The following ETV6 variants were observed in gnomAD, a reference collection of about 807,000 sequenced individuals.
The protein encoded by ETV6 is transcription factor ETV6.
A neutral mutation model predicts 51.1 loss-of-function variants in ETV6; 16 were observed. That is an observed-to-expected ratio of 0.31 (90% CI 0.21 to 0.48). The LOEUF is 0.48. Ranked by LOEUF, ETV6 falls within the 20% of genes least tolerant of loss-of-function variation. The pLI is 0.99. For missense variants in ETV6, 458 were observed against 594.8 expected, an observed-to-expected ratio of 0.77 and a Z score of 2.39; for synonymous variants, 240 against 224.1, an observed-to-expected ratio of 1.07 and a Z score of -0.64.
At chr12:11,844,773 AAGT>A (rs1946436359) in intron 3 of ETV6, among the ~76,000 whole-genome samples, 1 of 151,748 alleles carries the variant, frequency 6.6e-6, no homozygotes, top group South Asian at 2.1e-4. Context: ...AAAAAAAAAA[AAGT>A]GTATCACACA....
chr12:11,888,051 G>C (rs1202936878), intron 7 of ETV6, among the ~76,000 whole-genome samples: 1 of 152,162 alleles, frequency 6.6e-6, no homozygotes, highest in Non-Finnish European at 1.5e-5. Flanking sequence ...CTAGAAAAAA[G>C]TAAAGGCTTC....
At chr12:11,859,531 T>G (rs1246384089) in intron 4 of ETV6, among the ~76,000 whole-genome samples, 1 of 152,158 alleles carries the variant, frequency 6.6e-6, no homozygotes, top group East Asian at 1.9e-4. Flanking sequence ...TATCTTTGAA[T>G]CATTTAATCC....
intron 5 of ETV6, among the ~76,000 whole-genome samples, chr12:11,870,272 TA>T (rs1163133900): frequency 1.3e-5 from 2 of 152,138 alleles, no homozygotes; most frequent in Middle Eastern, 3.2e-3. Context: ...ATAAAAGGTT[TA>T]TGAGCATGCT....
chr12:11,785,407 T>C (rs540041411), intron 2 of ETV6, among the ~76,000 whole-genome samples: 1 of 152,344 alleles, frequency 6.6e-6, no homozygotes, highest in South Asian at 2.1e-4. Flanking sequence ...TTTATCACCA[T>C]TTGACACAGT....
chr12:11,728,465 G>A (rs1430045875), intron 1 of ETV6, among the ~76,000 whole-genome samples: 2 of 137,406 alleles, frequency 1.5e-5, no homozygotes, highest in Admixed American at 1.4e-4. Flanking sequence ...ACCCTGTTGT[G>A]AATGACACAT....
At chr12:11,703,614 A>G (rs1476443734) in intron 1 of ETV6, among the ~76,000 whole-genome samples, 3 of 152,254 alleles carry the variant, frequency 2.0e-5, no homozygotes, top group East Asian at 1.9e-4. Context: ...GTTATTTTTT[A>G]TTTCCCAAGA....
intron 2 of ETV6, among the ~76,000 whole-genome samples, chr12:11,784,886 T>TG (rs1555129619): frequency 4.1e-5 from 6 of 146,912 alleles, no homozygotes; most frequent in African/African-American, 1.6e-4. Flanking sequence ...TTTTTTTTTT[T>TG]GGTAGAAATG....
At chr12:11,879,431 T>C (rs576819848) in intron 5 of ETV6, among the ~76,000 whole-genome samples, 2 of 152,362 alleles carry the variant, frequency 1.3e-5, no homozygotes, top group South Asian at 4.1e-4. Context: ...TGGTTATGTG[T>C]GAATTGCCCA....
At chr12:11,700,575 G>T (rs1374132488) in intron 1 of ETV6, among the ~76,000 whole-genome samples, 1 of 152,030 alleles carries the variant, frequency 6.6e-6, no homozygotes, top group Non-Finnish European at 1.5e-5. Flanking sequence ...TAACGTAAAT[G>T]GTTAATTAAC....
intron 1 of ETV6, among the ~76,000 whole-genome samples, chr12:11,749,184 T>C (rs1243329998): frequency 6.6e-6 from 1 of 152,042 alleles, no homozygotes; most frequent in African/African-American, 2.4e-5. Context: ...ACCAGCAGTT[T>C]ATCCCCCTAC....
chr12:11,650,481 T>TAAAAAAAAAAAAAAAAAAAAAAAAAAAA (rs367594605), intron 1 of ETV6, among the ~76,000 whole-genome samples: 3 of 43,328 alleles, frequency 6.9e-5, no homozygotes, highest in Admixed American at 6.8e-4. Context: ...TTAGTGCGCT[T>TAAAAAAAAAAAAAAAAAAAAAAAAAAAA]AAAAAAAAAA....
chr12:11,875,370 G>A (rs1046380385), intron 5 of ETV6, among the ~76,000 whole-genome samples: 2 of 152,204 alleles, frequency 1.3e-5, no homozygotes, highest in Admixed American at 6.5e-5. Context: ...TGAAAAAGTT[G>A]CCTCTTTCTG....
intron 1 of ETV6, among the ~76,000 whole-genome samples, chr12:11,689,411 A>G (rs1243447265): frequency 2.0e-5 from 3 of 152,174 alleles, no homozygotes; most frequent in Admixed American, 6.5e-5. Flanking sequence ...GACAAAGCAC[A>G]GTACATTTGC....
chr12:11,852,298 A>G (rs1946568261), intron 3 of ETV6, among the ~76,000 whole-genome samples: 1 of 152,238 alleles, frequency 6.6e-6, no homozygotes, highest in South Asian at 2.1e-4. Flanking sequence ...AGCCCCTGCC[A>G]TCCTCTGGCA....
At chr12:11,724,830 T>A (rs1470002654) in intron 1 of ETV6, among the ~76,000 whole-genome samples, 1 of 152,182 alleles carries the variant, frequency 6.6e-6, no homozygotes, top group Non-Finnish European at 1.5e-5. Flanking sequence ...GTTTCCCAAA[T>A]CTATTTGGAC....
At position 11,839,121 on chromosome 12, in the gene ETV6, C is replaced by T; in HGVS notation, c.164-19C>T. The T allele has an allele frequency of 6.2e-7, 1 of 1,609,750 alleles. No homozygotes were observed. The highest frequency in any genetic ancestry group is 8.5e-7 in the Non-Finnish European group (1 of 1,177,100). On this transcript the variant is annotated intron_variant, in intron 2 of 7. Transcript: ENST00000396373. ...AAGACCTTTCTCTCTTTCTTTCTGC[C>T]TCATGCTCTCTCCAACAGGCTTGCA...
intron 2 of ETV6, among the ~76,000 whole-genome samples, chr12:11,836,650 A>G (rs748307766): frequency 9.2e-5 from 14 of 152,156 alleles, no homozygotes; most frequent in Non-Finnish European, 2.1e-4. Context: ...ATTTTCTTCC[A>G]TAGAATATAA....
chr12:11,843,670 A>T (rs1012991389), intron 3 of ETV6, among the ~76,000 whole-genome samples: 1 of 152,198 alleles, frequency 6.6e-6, no homozygotes, highest in Non-Finnish European at 1.5e-5. Flanking sequence ...AATTACCTGG[A>T]ATACGATTAT....
At chr12:11,849,542 G>C (rs1370765621) in intron 3 of ETV6, among the ~76,000 whole-genome samples, 1 of 152,250 alleles carries the variant, frequency 6.6e-6, no homozygotes, top group East Asian at 1.9e-4. Flanking sequence ...ATGGAGGGCT[G>C]TCTTCATTTA....
Sources: allele counts gnomAD v4.1 joint callset (sites outside exome capture counted in the v4.1 genomes callset), GRCh38; gene constraint gnomAD v4.1.1; transcripts MANE v1.5; gene names NCBI Gene and HGNC (gene_info 2026-07-23, HGNC 2026-07-21).